Variants in PLSCR4 observed in about 807,000 individuals in gnomAD.
The protein encoded by PLSCR4 is Ca(2+)-dependent phospholipid scramblase 4.
In PLSCR4, 25 loss-of-function variants were observed where a neutral mutation model predicts 36.3. The observed-to-expected ratio is 0.69, with a 90% CI of 0.50 to 0.96. PLSCR4 has a LOEUF of 0.96. PLSCR4 is among the 40% of genes least tolerant of loss of function. PLSCR4 has a pLI of 0.00. For synonymous variants in PLSCR4, 122 were observed against 132.9 expected, an observed-to-expected ratio of 0.92 and a Z score of 0.56; for missense variants, 408 against 414.7, an observed-to-expected ratio of 0.98 and a Z score of 0.14.
intron 1 of PLSCR4, among the ~76,000 whole-genome samples, chr3:146,248,343 C>T (rs12633074): frequency 0.78 from 118,068 of 152,100 alleles, 46,906 homozygotes; most frequent in Non-Finnish European, 0.86. Context: ...CTTATACACA[C>T]GCATACATTA....
intron 1 of PLSCR4, among the ~76,000 whole-genome samples, chr3:146,225,618 A>G (rs1324428540): frequency 6.6e-6 from 1 of 152,162 alleles, no homozygotes; most frequent in Non-Finnish European, 1.5e-5. Context: ...CGAGCACAGC[A>G]CCGGTGGGCT....
intron 1 of PLSCR4, among the ~76,000 whole-genome samples, chr3:146,249,940 C>T (rs2036481716): frequency 6.6e-6 from 1 of 152,052 alleles, no homozygotes; most frequent in Admixed American, 6.5e-5. Context: ...GTATAAACAT[C>T]AACTGACTTC....
rs571884645 is a variant in PLSCR4 at position 146,241,512 on chromosome 3, C to T, written c.-22+9448G>A. ...ATGACTGATCCTAACAATGGAGCTT[C>T]AAAATACATGAAGGAAAAACTGGCA... On this transcript the variant is annotated intron_variant, in intron 1 of 8. Transcript: ENST00000354952. Among the ~76,000 whole-genome samples, 32 of 151,922 alleles carry T rather than the reference C, an allele frequency of 2.1e-4. No individual in the cohort carries two copies. In the South Asian group the frequency reaches 6.7e-3, roughly 32 times the overall value.
At chr3:146,225,117 A>G (rs966870451) in intron 1 of PLSCR4, among the ~76,000 whole-genome samples, 1 of 151,554 alleles carries the variant, frequency 6.6e-6, no homozygotes, top group Non-Finnish European at 1.5e-5. Context: ...AAGCAGCTAG[A>G]TACAGAGTGT....
At chr3:146,225,049 C>T (rs2108303965) in intron 1 of PLSCR4, among the ~76,000 whole-genome samples, 1 of 147,236 alleles carries the variant, frequency 6.8e-6, no homozygotes, top group Middle Eastern at 3.8e-3. Flanking sequence ...ATACAGAGTG[C>T]CAATTGGTGT....
At chr3:146,222,615 A>T (rs568735759) in intron 1 of PLSCR4, among the ~76,000 whole-genome samples, 2 of 152,276 alleles carry the variant, frequency 1.3e-5, no homozygotes, top group African/African-American at 4.8e-5. Flanking sequence ...AGGAAAAGAG[A>T]AAGTGGTTTA....
At chr3:146,234,395 C>G (rs2035833197) in intron 1 of PLSCR4, among the ~76,000 whole-genome samples, 1 of 152,092 alleles carries the variant, frequency 6.6e-6, no homozygotes, top group African/African-American at 2.4e-5. Flanking sequence ...TTTCTCCATT[C>G]TGTCATGTCC....
intron 1 of PLSCR4, among the ~76,000 whole-genome samples, chr3:146,249,591 T>C (rs1005784118): frequency 5.3e-5 from 8 of 151,012 alleles, no homozygotes; most frequent in African/African-American, 1.7e-4. Context: ...TATGTGTGTA[T>C]GTATAATATT....
At chr3:146,216,893 C>A (rs1016513622) in intron 3 of PLSCR4, among the ~76,000 whole-genome samples, 1 of 152,238 alleles carries the variant, frequency 6.6e-6, no homozygotes, top group Middle Eastern at 3.4e-3. Flanking sequence ...AATGCAAAAG[C>A]CAGTCGCCTT....
At chr3:146,202,410 G>T (rs1018714823) in intron 4 of PLSCR4, among the ~76,000 whole-genome samples, 1 of 152,042 alleles carries the variant, frequency 6.6e-6, no homozygotes, top group Non-Finnish European at 1.5e-5. Context: ...TACAGTGTGT[G>T]TAAGAGTATT....
intron 1 of PLSCR4, among the ~76,000 whole-genome samples, chr3:146,248,051 CAT>C (rs1165707425): frequency 6.6e-6 from 1 of 152,148 alleles, no homozygotes; most frequent in Non-Finnish European, 1.5e-5. Flanking sequence ...TGCTGGTGAA[CAT>C]ATGAGTATGA....
At chr3:146,200,916 C>T in intron 5 of PLSCR4, 119 bp downstream of exon 5, 1 of 639,328 alleles carries the variant, frequency 1.6e-6, no homozygotes. Flanking sequence ...GGTAATAGAG[C>T]AGTTTTTTTT....
At chr3:146,207,840 T>G (rs1452331765) in intron 3 of PLSCR4, among the ~76,000 whole-genome samples, 1 of 152,062 alleles carries the variant, frequency 6.6e-6, no homozygotes, top group African/African-American at 2.4e-5. Context: ...GGATACAAGA[T>G]TTTATCATGC....
rs2033958298 is a variant in PLSCR4 at position 146,199,947 on chromosome 3, T to C, written c.490A>G (p.Thr164Ala). The C allele has an allele frequency of 6.2e-7, 1 of 1,613,488 alleles. No individual in the cohort carries two copies. The highest frequency in any genetic ancestry group is 8.5e-7 in the Non-Finnish European group (1 of 1,179,608). The change falls in exon 6 of 9, where the codon ACC becomes GCC. Residue 164 changes from threonine to alanine, a missense_variant. Coordinates refer to ENST00000354952, the MANE Select transcript of PLSCR4 (RefSeq NM_020353.3). The stretch of plus-strand genomic sequence containing the variant: ...CTTAGTGTCCGATAGGCATTCCTGG[T>C]AAAGTCATCTGTGTCTTCGGTTACA... ...YIVTEDTDDF[T>A]RNAYRTLRPF...
chr3:146,240,798 A>G (rs1364309029), intron 1 of PLSCR4, among the ~76,000 whole-genome samples: 1 of 152,234 alleles, frequency 6.6e-6, no homozygotes. Flanking sequence ...ATAGAGTTTC[A>G]TTATGGTTAA....
chr3:146,242,534 G>A (rs1184916722), intron 1 of PLSCR4, among the ~76,000 whole-genome samples: 1 of 152,106 alleles, frequency 6.6e-6, no homozygotes, highest in Non-Finnish European at 1.5e-5. Context: ...AACAGGACTG[G>A]GCCCAGTAGG....
At chr3:146,197,080 A>G (rs1447468205) in intron 6 of PLSCR4, among the ~76,000 whole-genome samples, 1 of 152,166 alleles carries the variant, frequency 6.6e-6, no homozygotes, top group Admixed American at 6.6e-5. Flanking sequence ...CTGCATAAAC[A>G]GCTGATATTT....
At chr3:146,197,497 C>T (rs1161624338) in intron 6 of PLSCR4, among the ~76,000 whole-genome samples, 1 of 151,982 alleles carries the variant, frequency 6.6e-6, no homozygotes. Flanking sequence ...AAATCTCAGA[C>T]ATGAAAATTA....
chr3:146,213,334 C>CTTTTTTTT lies in PLSCR4; in HGVS notation c.119-6581_119-6574dup, dbSNP rs60242461. Among the ~76,000 whole-genome samples the CTTTTTTTT allele has an allele frequency of 3.3e-3, 408 of 125,480 alleles. 3 individuals are homozygous for CTTTTTTTT. The highest frequency in any genetic ancestry group is 5.1e-3 in the Middle Eastern group (1 of 198). 82.3% of individuals were successfully genotyped at this position (125,480 alleles called of 152,430 possible). ...TTCATGCAGCATTTAGTAAAATTTC[C>CTTTTTTTT]TTTTTTTTTTTTTTTTGTGATGTAG... is the stretch of plus-strand genomic sequence containing the variant. On this transcript the variant is annotated intron_variant, in intron 3 of 8. Coordinates refer to ENST00000354952, the MANE Select transcript of PLSCR4 (RefSeq NM_020353.3).
Sources: gnomAD v4.1 joint callset for allele counts (sites outside exome capture counted in the v4.1 genomes callset) on GRCh38, gnomAD v4.1.1 for gene constraint, MANE v1.5 for transcripts, NCBI Gene and HGNC (gene_info 2026-07-23, HGNC 2026-07-21) for gene names.